FAT1: variants seen among roughly 807,000 people sequenced by gnomAD.
FAT1 encodes the protein FAT atypical cadherin 1, also known as protocadherin Fat 1.
FAT1 carries 171 observed loss-of-function variants against 329.8 expected under a neutral mutation model. The ratio of observed to expected loss-of-function variants is 0.52; its 90% CI spans 0.46 to 0.59. FAT1 has a LOEUF of 0.59. FAT1 is among the 20% of genes least tolerant of loss of function. FAT1 has a pLI of 0.00. For missense variants in FAT1, 5,672 were observed against 5,774.4 expected, an observed-to-expected ratio of 0.98 and a Z score of 0.57; for synonymous variants, 2,233 against 2,228.6, an observed-to-expected ratio of 1.00 and a Z score of -0.06.
At chr4:186,592,312 G>T (rs1263035122) in intron 26 of FAT1, among the ~76,000 whole-genome samples, 1 of 152,146 alleles carries the variant, frequency 6.6e-6, no homozygotes, top group Non-Finnish European at 1.5e-5. Context: ...CAAAAGTGAA[G>T]AGTCAGTTAC....
chr4:186,650,335 G>GA (rs889548924), intron 3 of FAT1, among the ~76,000 whole-genome samples: 51 of 151,802 alleles, frequency 3.4e-4, no homozygotes, highest in African/African-American at 1.2e-3. Flanking sequence ...CTCCATAACA[G>GA]AAAAAAAACT....
At chr4:186,701,987 CAGG>C (rs1744344978) in intron 2 of FAT1, among the ~76,000 whole-genome samples, 1 of 99,088 alleles carries the variant, frequency 1.0e-5, no homozygotes, top group Non-Finnish European at 2.0e-5. Flanking sequence ...GGGATGAGGC[CAGG>C]AGCCGACCCC....
chr4:186,716,325 T>A (rs982060404), intron 1 of FAT1, among the ~76,000 whole-genome samples: 1 of 152,174 alleles, frequency 6.6e-6, no homozygotes, highest in Non-Finnish European at 1.5e-5. Flanking sequence ...TCTATCAACA[T>A]AGTGAAAGCG....
chr4:186,700,690 G>A (rs1050230219), intron 2 of FAT1, among the ~76,000 whole-genome samples: 3 of 152,164 alleles, frequency 2.0e-5, no homozygotes, highest in African/African-American at 4.8e-5. Context: ...TGCGGTTCTG[G>A]CACTTAGCAC....
chr4:186,609,872 G>C lies in FAT1; in HGVS notation c.9997C>G (p.Pro3333Ala), dbSNP rs1416099014. The C allele has an allele frequency of 6.2e-7, 1 of 1,613,454 alleles. No individual in the cohort carries two copies. The highest frequency in any genetic ancestry group is 1.3e-5 in the African/African-American group (1 of 74,874). Residue 3333 changes from proline to alanine, a missense_variant, in exon 15 of 27, where the codon CCT becomes GCT. Coordinates refer to ENST00000441802, the MANE Select transcript of FAT1 (RefSeq NM_005245.4). ...GTGTAGGTGTCTTGGCTGAACACAG[G>C]GGTATTATCGTTGATATCTGTTACA... is the stretch of plus-strand genomic sequence containing the variant. ...VNVTDINDNT[P>A]VFSQDTYTTV...
At chr4:186,697,761 CCAT>C (rs568718707) in intron 2 of FAT1, among the ~76,000 whole-genome samples, 11 of 152,254 alleles carry the variant, frequency 7.2e-5, no homozygotes, top group African/African-American at 1.4e-4. Context: ...GTCATCACTG[CCAT>C]CATCATCATC....
intron 3 of FAT1, 145 bp downstream of exon 3, chr4:186,663,154 A>C: frequency 2.6e-6 from 2 of 774,604 alleles, no homozygotes; most frequent in South Asian, 3.8e-5. Flanking sequence ...TTTTTATCCA[A>C]AATAAAGGCT....
chr4:186,665,074 A>C lies in FAT1; in HGVS notation c.3266-1461T>G, dbSNP rs775938854. On this transcript the variant is annotated intron_variant, in intron 2 of 26. Transcript: ENST00000441802. The stretch of plus-strand genomic sequence containing the variant: ...AAGGACTCACAACTTGAAAATAGAA[A>C]ACTTAGCTAAATAAAATGTGAAATT... Among the ~76,000 whole-genome samples, 31 of 152,222 alleles carry C rather than the reference A, an allele frequency of 2.0e-4. 1 individual carries two copies. Among genetic ancestry groups the C allele is most frequent in the Non-Finnish European group, 1.9e-4 (13 of 68,042 alleles).
Position 186,621,006 on chromosome 4 carries a change from C to A in FAT1, c.5580G>T (p.Glu1860Asp), listed in dbSNP as rs776657965. Reference sequence around the variant, plus strand: ...CATGTACTGTTACATTCGCTGCATACTCAGCAAATAAACGTGGGGTTCCCA... The same window carrying A: ...CATGTACTGTTACATTCGCTGCATAATCAGCAAATAAACGTGGGGTTCCCA... The part of the protein sequence containing the change: ...HDMGTPRLFA[E>D]YAANVTVHVI... The change falls in exon 10 of 27, where the codon GAG becomes GAT. Residue 1860 changes from glutamate (E) to aspartate (D), a missense_variant. Coordinates refer to ENST00000441802, the MANE Select transcript of FAT1 (RefSeq NM_005245.4). 1 of 1,612,776 alleles carries A rather than the reference C, an allele frequency of 6.2e-7. No individual in the cohort carries two copies. Among genetic ancestry groups the A allele is most frequent in the Non-Finnish European group, 8.5e-7 (1 of 1,179,856 alleles).
chr4:186,699,352 T>C (rs1358933647), intron 2 of FAT1, among the ~76,000 whole-genome samples: 1 of 152,168 alleles, frequency 6.6e-6, no homozygotes, highest in Non-Finnish European at 1.5e-5. Flanking sequence ...TAAGACATTC[T>C]AAAGAATCCC....
chr4:186,687,908 C>G (rs1351420216), intron 2 of FAT1, among the ~76,000 whole-genome samples: 2 of 152,104 alleles, frequency 1.3e-5, no homozygotes, highest in Non-Finnish European at 2.9e-5. Context: ...GGAAAGGCAT[C>G]TTTGTGCAGG....
In FAT1 at chr4:186,588,739, G is replaced by A. The variant is rs773428259; in HGVS notation, c.13620C>T (p.Tyr4540=). 42 of 1,613,818 alleles carry A rather than the reference G, an allele frequency of 2.6e-5. No individual in the cohort carries two copies. Among genetic ancestry groups the A allele is most frequent in the Admixed American group, 3.3e-5 (2 of 59,988 alleles). The change falls in exon 27 of 27, where the codon TAC becomes TAT. Residue 4540 remains tyrosine (Y), a synonymous_variant. Transcript: ENST00000441802. ...PAVESMPMSV[Y]ASTASCSDVS... is the part of the protein sequence containing the mutation. ...CGTCAGAGCAGGAGGCGGTGGAGGC[G>A]TACACAGACATGGGCATGCTCTCGA...
In FAT1 at chr4:186,602,633, A is replaced by C. The variant is rs574053480; in HGVS notation, c.11482+270T>G. On this transcript the variant is annotated intron_variant, in intron 20 of 26. Transcript: ENST00000441802. The stretch of plus-strand genomic sequence containing the variant: ...TCACTCTTGAATTTCCAGGAAAATT[A>C]AACTGCTACATAATGGCACTGCGTT... Among the ~76,000 whole-genome samples the C allele has an allele frequency of 1.4e-4, 21 of 152,330 alleles. No homozygotes were observed. In the South Asian group the frequency reaches 4.4e-3, roughly 32 times the overall value.
At chr4:186,610,326 C>G (rs1739343580) in intron 14 of FAT1, among the ~76,000 whole-genome samples, 2 of 151,982 alleles carry the variant, frequency 1.3e-5, no homozygotes, top group Non-Finnish European at 2.9e-5. Flanking sequence ...CCATAGCTCA[C>G]TCGACTTCAC....
intron 26 of FAT1, among the ~76,000 whole-genome samples, chr4:186,593,611 G>A (rs1738347305): frequency 6.6e-6 from 1 of 152,164 alleles, no homozygotes; most frequent in Non-Finnish European, 1.5e-5. Context: ...CGGCTGGGGG[G>A]AGCTCTGCTG....
intron 2 of FAT1, among the ~76,000 whole-genome samples, chr4:186,677,226 CA>C (rs1743002124): frequency 6.6e-6 from 1 of 152,080 alleles, no homozygotes; most frequent in Non-Finnish European, 1.5e-5. Context: ...AATTTGTTGC[CA>C]AAACCAATAC....
chr4:186,589,013 G>A lies in FAT1; in HGVS notation c.13346C>T (p.Pro4449Leu), dbSNP rs1232059818. The A allele has an allele frequency of 1.2e-6, 2 of 1,613,936 alleles. No individual in the cohort carries two copies. Among genetic ancestry groups the A allele is most frequent in the Admixed American group, 3.3e-5 (2 of 60,022 alleles). The change falls in exon 27 of 27, where the codon CCA (proline) becomes CTA (leucine). Residue 4449 changes from proline to leucine, a missense_variant. By Grantham distance (98) the Pro-to-Leu change is moderately conservative. Around this residue, in one of 2 missense-constraint regions of FAT1, gnomAD observed 1,706 missense variants for 1,859.1 expected, o/e 0.92. Transcript: ENST00000441802. ...PEDFPAADEL[P>L]PLPPEFSNQF... is the part of the protein sequence containing the mutation. The stretch of plus-strand genomic sequence containing the variant: ...ATTGCTGAATTCGGGCGGTAACGGT[G>A]GTAGCTCATCAGCTGCGGGGAAGTC...
chr4:186,631,933 G>A (rs1740620249), intron 7 of FAT1, among the ~76,000 whole-genome samples: 1 of 143,236 alleles, frequency 7.0e-6, no homozygotes. Flanking sequence ...CAGCTAAAGA[G>A]GAAAAATAAT....
chr4:186,683,550 A>T (rs553683962), intron 2 of FAT1, among the ~76,000 whole-genome samples: 3 of 152,128 alleles, frequency 2.0e-5, no homozygotes, highest in African/African-American at 7.2e-5. Flanking sequence ...AAATTTTCCG[A>T]AAGTTTTGCT....
Sources: gnomAD v4.1 joint callset for allele counts (sites outside exome capture counted in the v4.1 genomes callset) on GRCh38, gnomAD v4.1.1 for gene constraint, gnomAD v4.1.1 regional missense constraint, MANE v1.5 for transcripts, NCBI Gene and HGNC (gene_info 2026-07-23, HGNC 2026-07-21) for gene names.